The following KLF12 variants were observed in gnomAD, a reference collection of about 807,000 sequenced individuals.
KLF12 encodes Krueppel-like factor 12.
KLF12 carries 9 observed loss-of-function variants against 37.8 expected under a neutral mutation model. The ratio of observed to expected loss-of-function variants is 0.24; its 90% CI spans 0.14 to 0.42. KLF12 has a LOEUF of 0.42. Ranked by LOEUF, KLF12 falls within the 10% of genes least tolerant of loss-of-function variation. KLF12 has a pLI of 1.00. For missense variants in KLF12, 411 were observed against 516.0 expected, an observed-to-expected ratio of 0.80 and a Z score of 1.97; for synonymous variants, 208 against 202.1, an observed-to-expected ratio of 1.03 and a Z score of -0.25.
At chr13:74,000,763 G>A (rs557722697) in intron 1 of KLF12, among the ~76,000 whole-genome samples, 2 of 152,100 alleles carry the variant, frequency 1.3e-5, no homozygotes, top group Non-Finnish European at 2.9e-5. Context: ...TTCAGCTTCC[G>A]TTTCATTACA....
chr13:73,694,341 G>A lies in KLF12; in HGVS notation c.*1149C>T, dbSNP rs1873989303. On this transcript the variant is annotated 3_prime_UTR_variant, in exon 8 of 8. Transcript: ENST00000377669. The stretch of plus-strand genomic sequence containing the variant: ...ACTCAACCAAGCAGGACAACAAACA[G>A]CAGAAAGATTACCTCAGTGCTGTAA... 1 of 152,620 alleles carries A rather than the reference G, an allele frequency of 6.6e-6. No homozygotes were observed. The highest frequency in any genetic ancestry group is 1.5e-5 in the Non-Finnish European group (1 of 68,038). The allele number at this position is 152,620 out of a possible 1,614,324, so 9.5% of individuals were successfully genotyped here. A position where few individuals can be genotyped will look rare whatever the true frequency, so the allele number is the denominator to read the frequency against.
At chr13:73,719,703 A>G (rs185829120) in intron 6 of KLF12, among the ~76,000 whole-genome samples, 87 of 151,940 alleles carry the variant, frequency 5.7e-4, no homozygotes, top group African/African-American at 2.0e-3. Context: ...CCTGGACTCT[A>G]GTGATCCTCC....
intron 2 of KLF12, among the ~76,000 whole-genome samples, chr13:73,970,988 G>C (rs73222717): frequency 0.032 from 4,912 of 151,182 alleles, 112 homozygotes; most frequent in Middle Eastern, 0.051. Context: ...CTGAGAGAAG[G>C]CATCTTTGAA....
At chr13:73,938,692 T>C (rs1890059660) in intron 3 of KLF12, among the ~76,000 whole-genome samples, 1 of 152,184 alleles carries the variant, frequency 6.6e-6, no homozygotes, top group South Asian at 2.1e-4. Context: ...TTCAACACCT[T>C]GTTATTAATG....
chr13:74,163,175 G>C, the KLF12 span, among the ~76,000 whole-genome samples: 1 of 152,094 alleles, frequency 6.6e-6, no homozygotes, highest in African/African-American at 2.4e-5. Context: ...CAGTTTGGAG[G>C]TTCCTCAAAA....
At chr13:73,961,911 C>T in intron 2 of KLF12, 1 of 418,362 alleles carries the variant, frequency 2.4e-6, no homozygotes, top group East Asian at 8.0e-5. Flanking sequence ...AAATGGGCAG[C>T]CACTTTGGAT....
intron 5 of KLF12, among the ~76,000 whole-genome samples, chr13:73,774,117 A>T (rs1880436845): frequency 6.6e-6 from 1 of 152,170 alleles, no homozygotes; most frequent in East Asian, 1.9e-4. Context: ...TATGTCCAAT[A>T]CAAAGTAGGC....
chr13:74,116,957 A>C (rs983833304), intron 1 of KLF12, among the ~76,000 whole-genome samples: 3 of 152,106 alleles, frequency 2.0e-5, no homozygotes, highest in Non-Finnish European at 2.9e-5. Context: ...TTGCTGCAAG[A>C]TTTGGTAAAA....
intron 3 of KLF12, among the ~76,000 whole-genome samples, chr13:73,919,452 A>G (rs915687696): frequency 6.6e-6 from 1 of 152,224 alleles, no homozygotes; most frequent in Admixed American, 6.5e-5. Flanking sequence ...TTGATACAGG[A>G]AAGAACACTG....
At chr13:73,840,163 A>G (rs1051295475) in intron 4 of KLF12, among the ~76,000 whole-genome samples, 1 of 152,140 alleles carries the variant, frequency 6.6e-6, no homozygotes, top group Non-Finnish European at 1.5e-5. Flanking sequence ...GTCCCTGAGC[A>G]GCATTTGATA....
chr13:74,126,359 C>T (rs548404189), intron 1 of KLF12, among the ~76,000 whole-genome samples: 1 of 152,238 alleles, frequency 6.6e-6, no homozygotes, highest in African/African-American at 2.4e-5. Flanking sequence ...TTAAAGGAGA[C>T]TCATTCTCAC....
chr13:73,862,054 G>GT (rs1397482879), intron 3 of KLF12, among the ~76,000 whole-genome samples: 58 of 104,428 alleles, frequency 5.6e-4, no homozygotes, highest in Admixed American at 3.8e-3. Context: ...GATATAGTTG[G>GT]GTTTTTTTTT....
chr13:73,841,341 G>A (rs961253409), intron 4 of KLF12, among the ~76,000 whole-genome samples: 6 of 152,240 alleles, frequency 3.9e-5, no homozygotes, highest in African/African-American at 1.2e-4. Flanking sequence ...CACAACGGAA[G>A]AAGAAAAATT....
Position 74,068,703 on chromosome 13 carries a change from T to C in KLF12, c.-32+65036A>G, listed in dbSNP as rs140105759. On this transcript the variant is annotated intron_variant, in intron 1 of 7. Coordinates refer to ENST00000377669, the MANE Select transcript of KLF12 (RefSeq NM_007249.5). ...ACGTCAGTAGCTGGGACCACAGGCA[T>C]GCGTCATAACACTCAGCTAATTTTC... 2.6e-3 allele frequency among the ~76,000 whole-genome samples: 388 copies of C among 152,026 alleles called. 4 individuals carry two copies. The highest frequency in any genetic ancestry group is 2.0e-3 in the Non-Finnish European group (139 of 67,964).
At chr13:74,241,853 G>T in the KLF12 span, among the ~76,000 whole-genome samples, 1 of 151,818 alleles carries the variant, frequency 6.6e-6, no homozygotes, top group Admixed American at 6.6e-5. Flanking sequence ...CTGGCACTCC[G>T]TAGTGAGATG....
At chr13:74,166,274 C>T in the KLF12 span, among the ~76,000 whole-genome samples, 1 of 151,728 alleles carries the variant, frequency 6.6e-6, no homozygotes, top group Non-Finnish European at 1.5e-5. Context: ...GCATTTTTTG[C>T]ACAGACAGGG....
At chr13:73,839,878 T>C (rs1176434834) in intron 4 of KLF12, among the ~76,000 whole-genome samples, 1 of 152,204 alleles carries the variant, frequency 6.6e-6, no homozygotes, top group Non-Finnish European at 1.5e-5. Context: ...CCTGATGGCA[T>C]ATAAACTTGC....
intron 4 of KLF12, among the ~76,000 whole-genome samples, chr13:73,820,651 T>A (rs1883471807): frequency 6.6e-6 from 1 of 152,236 alleles, no homozygotes. Flanking sequence ...AATCTTGGGA[T>A]GTTGGTACTG....
At chr13:73,715,564 C>T (rs1566314672) in intron 6 of KLF12, 39 bp from the exon 7 acceptor site, 3 of 1,600,430 alleles carry the variant, frequency 1.9e-6, no homozygotes, top group Admixed American at 3.4e-5. Flanking sequence ...GTGAGATGCA[C>T]ACCGCCCCAT....
Sources: allele counts gnomAD v4.1 joint callset (sites outside exome capture counted in the v4.1 genomes callset), GRCh38; gene constraint gnomAD v4.1.1; transcripts MANE v1.5; gene names NCBI Gene and HGNC (gene_info 2026-07-23, HGNC 2026-07-21).